Variants in OPCML observed in about 807,000 individuals in gnomAD.
OPCML encodes the protein opioid-binding protein/cell adhesion molecule.
OPCML carries 13 observed loss-of-function variants against 37.8 expected under a neutral mutation model. The ratio of observed to expected loss-of-function variants is 0.34; its 90% CI spans 0.22 to 0.55. The LOEUF (loss-of-function observed/expected upper bound fraction) is 0.55. Among genes scored for constraint, OPCML ranks in the 20% least tolerant of loss-of-function variants. OPCML has a pLI of 0.91. For missense variants in OPCML, 341 were observed against 435.6 expected (o/e 0.78, Z 1.93); for synonymous variants, 176 against 168.8 (o/e 1.04, Z -0.33).
intron 4 of OPCML, among the ~76,000 whole-genome samples, chr11:132,510,163 C>G (rs964036251): frequency 6.6e-6 from 1 of 152,092 alleles, no homozygotes; most frequent in Non-Finnish European, 1.5e-5. Flanking sequence ...TTGCATGGTC[C>G]CTGTAATCCC....
intron 1 of OPCML, among the ~76,000 whole-genome samples, chr11:133,161,464 G>A (rs1399104658): frequency 6.6e-6 from 1 of 152,146 alleles, no homozygotes; most frequent in African/African-American, 2.4e-5. Context: ...ATGGACAGGA[G>A]CGTGGGATTT....
intron 2 of OPCML, among the ~76,000 whole-genome samples, chr11:132,932,471 G>A (rs182238633): frequency 2.6e-5 from 4 of 151,946 alleles, no homozygotes; most frequent in East Asian, 1.9e-4. Context: ...AGCAGATTTC[G>A]TTTCTCCCTC....
intron 1 of OPCML, among the ~76,000 whole-genome samples, chr11:133,123,785 G>A (rs1949456016): frequency 6.6e-6 from 1 of 152,138 alleles, no homozygotes; most frequent in South Asian, 2.1e-4. Flanking sequence ...GGTGCTTTAA[G>A]GGGTTATGGG....
chr11:132,619,095 A>G (rs75574661), intron 3 of OPCML, among the ~76,000 whole-genome samples: 1,550 of 151,934 alleles, frequency 0.01, 18 homozygotes, highest in African/African-American at 0.035. Context: ...CACCATAGCT[A>G]TCTCTTTAAC....
intron 1 of OPCML, among the ~76,000 whole-genome samples, chr11:133,171,427 C>G (rs1950287385): frequency 6.6e-6 from 1 of 152,176 alleles, no homozygotes; most frequent in Non-Finnish European, 1.5e-5. Context: ...CACATCAGTC[C>G]CCTCTCAGCT....
At chr11:132,747,604 C>T (rs1004397981) in intron 2 of OPCML, among the ~76,000 whole-genome samples, 1 of 152,142 alleles carries the variant, frequency 6.6e-6, no homozygotes, top group Non-Finnish European at 1.5e-5. Context: ...GAAATCAGCC[C>T]AGAGCCTCTT....
intron 1 of OPCML, among the ~76,000 whole-genome samples, chr11:133,027,440 T>C (rs570912482): frequency 4.2e-4 from 64 of 151,872 alleles, no homozygotes; most frequent in African/African-American, 1.5e-3. Context: ...GTCACTTAAC[T>C]AGTGTGTGTA....
At chr11:132,633,710 A>G (rs944258255) in intron 3 of OPCML, among the ~76,000 whole-genome samples, 25 of 152,192 alleles carry the variant, frequency 1.6e-4, no homozygotes, top group African/African-American at 5.5e-4. Flanking sequence ...CCCTGGTGGT[A>G]AGGGGTGTGT....
At chr11:132,946,407 T>C (rs76638721) in intron 1 of OPCML, among the ~76,000 whole-genome samples, 24,299 of 152,158 alleles carry the variant, frequency 0.16, 2,479 homozygotes, top group African/African-American at 0.27. Context: ...TATCAAGTAT[T>C]ATGTACTGTA....
chr11:132,567,792 T>C lies in OPCML; in HGVS notation c.380-38606A>G, dbSNP rs1021451637. Among the ~76,000 whole-genome samples, 4 of 152,270 alleles carry C rather than the reference T, an allele frequency of 2.6e-5. No individual in the cohort carries two copies. In the South Asian group the frequency reaches 6.2e-4, roughly 24 times the overall value. The stretch of plus-strand genomic sequence containing the variant: ...GATCACTTGTCATTCTGAGGTTGCA[T>C]TGGAGGCAGCTGAAAAGCTTAGGTC... On this transcript the variant is annotated intron_variant, in intron 3 of 7. Transcript: ENST00000524381.
At chr11:132,444,757 C>T (rs1219832703) in intron 4 of OPCML, among the ~76,000 whole-genome samples, 1 of 152,138 alleles carries the variant, frequency 6.6e-6, no homozygotes, top group Non-Finnish European at 1.5e-5. Flanking sequence ...CAATCCTTGA[C>T]TCTCCTTAGA....
Position 132,537,747 on chromosome 11 carries a change from A to T in OPCML, c.380-8561T>A, listed in dbSNP as rs147763458. On this transcript the variant is annotated intron_variant, in intron 3 of 7. Coordinates refer to ENST00000524381, the MANE Select transcript of OPCML (RefSeq NM_001012393.5). Reference sequence around the variant, plus strand: ...TGTCAAATAATCCAATTTAAAAATGAACAAAGGAGTTGCATAAATAATTCT... The same window carrying T: ...TGTCAAATAATCCAATTTAAAAATGTACAAAGGAGTTGCATAAATAATTCT... Among the ~76,000 whole-genome samples, 78 of 152,336 alleles carry T rather than the reference A, an allele frequency of 5.1e-4. No individual in the cohort carries two copies. The East Asian group carries it at 8.5e-3, about 17-fold the overall frequency.
intron 1 of OPCML, among the ~76,000 whole-genome samples, chr11:133,508,743 C>T (rs1001383452): frequency 7.2e-5 from 11 of 152,334 alleles, no homozygotes; most frequent in Non-Finnish European, 1.5e-4. Flanking sequence ...CTGCCTGTGT[C>T]AGCAGCCTTG....
chr11:132,812,538 G>A (rs549744859), intron 2 of OPCML, among the ~76,000 whole-genome samples: 1 of 152,146 alleles, frequency 6.6e-6, no homozygotes, highest in Admixed American at 6.5e-5. Flanking sequence ...CAATTAGGAG[G>A]TTATTGGAAA....
chr11:132,881,480 C>T (rs895273677), intron 2 of OPCML, among the ~76,000 whole-genome samples: 3 of 152,104 alleles, frequency 2.0e-5, no homozygotes, highest in South Asian at 2.1e-4. Context: ...TGACTAGGCT[C>T]CCTGCAGTTG....
chr11:132,470,528 T>G (rs1182780628), intron 4 of OPCML, among the ~76,000 whole-genome samples: 4 of 152,200 alleles, frequency 2.6e-5, no homozygotes, highest in Admixed American at 1.3e-4. Context: ...AGATGCCCAG[T>G]AGACAGATTT....
chr11:132,543,588 C>G (rs1033736047), intron 3 of OPCML, among the ~76,000 whole-genome samples: 3 of 151,812 alleles, frequency 2.0e-5, no homozygotes, highest in Non-Finnish European at 4.4e-5. Context: ...AGTATTTCCA[C>G]TAAAAAAAAT....
chr11:133,371,192 C>A (rs1944666534), intron 1 of OPCML, among the ~76,000 whole-genome samples: 1 of 152,116 alleles, frequency 6.6e-6, no homozygotes, highest in South Asian at 2.1e-4. Context: ...GTAAAGGAGG[C>A]TTTTGTACAC....
At chr11:132,638,152 A>G (rs1330813716) in intron 3 of OPCML, among the ~76,000 whole-genome samples, 1 of 69,090 alleles carries the variant, frequency 1.4e-5, no homozygotes, top group Non-Finnish European at 3.0e-5. Context: ...GCTAAAGAGC[A>G]TATATACAGA....
Sources: gnomAD v4.1 joint callset for allele counts (sites outside exome capture counted in the v4.1 genomes callset) on GRCh38, gnomAD v4.1.1 for gene constraint, MANE v1.5 for transcripts, NCBI Gene and HGNC (gene_info 2026-07-23, HGNC 2026-07-21) for gene names.